The following BTD variants were observed in gnomAD, a reference collection of about 807,000 sequenced individuals.
BTD encodes biotinidase.
BTD carries 13 observed loss-of-function variants against 17.7 expected under a neutral mutation model. That is an observed-to-expected ratio of 0.74 (90% CI 0.48 to 1.17). BTD has a LOEUF of 1.17. Ranked by LOEUF, BTD falls within the 50% of genes most tolerant of loss-of-function variation. The probability of loss-of-function intolerance (pLI) is 0.00; values close to 1 mark genes in which losing one functional copy is unlikely to be tolerated. For synonymous variants in BTD, 240 were observed against 245.2 expected (o/e 0.98, Z 0.20); for missense variants, 674 against 650.4 (o/e 1.04, Z -0.39).
intron 3 of BTD, chr3:15,675,921 C>G (rs1369531607): frequency 1.2e-6 from 2 of 1,612,930 alleles, no homozygotes; most frequent in Non-Finnish European, 1.7e-6. Context: ...TGCAAGCACA[C>G]TTGCTCCTTT....
chr3:15,603,341 C>G lies in BTD; in HGVS notation c.-17+1447C>G, dbSNP rs1440310939. Among the ~76,000 whole-genome samples the G allele has an allele frequency of 2.0e-5, 3 of 152,142 alleles. No homozygotes were observed. In the East Asian group the frequency reaches 5.8e-4, roughly 29 times the overall value. The stretch of plus-strand genomic sequence containing the variant: ...CATCTGAGACAAGGCAAGTCCCTTC[C>G]GCCTATGAGCCTGTAAAATCAAAAG... On this transcript the variant is annotated intron_variant, in intron 1 of 3. Coordinates refer to ENST00000643237, the MANE Select transcript of BTD (RefSeq NM_001370658.1).
At chr3:15,615,030 C>T (rs1355846094) in intron 1 of BTD, among the ~76,000 whole-genome samples, 1 of 152,158 alleles carries the variant, frequency 6.6e-6, no homozygotes, top group African/African-American at 2.4e-5. Context: ...TTGCTGTATT[C>T]TTTAACTTTC....
At chr3:15,636,566 A>G (rs138022038) in intron 2 of BTD, among the ~76,000 whole-genome samples, 2 of 152,280 alleles carry the variant, frequency 1.3e-5, no homozygotes, top group African/African-American at 4.8e-5. Flanking sequence ...TGCTTGAGGA[A>G]GCCCTGCTGT....
rs398123139 is a variant in BTD, at chr3:15,644,482, G to A, written c.566G>A (p.Arg189His). The A allele has an allele frequency of 2.6e-5, 42 of 1,613,930 alleles. No individual in the cohort carries two copies. In the African/African-American group the frequency reaches 3.6e-4, roughly 14 times the overall value. The change falls in exon 4 of 4, where the codon CGC (arginine) becomes CAC (histidine). Residue 189 changes from arginine to histidine, a missense_variant. By Grantham distance (29) the Arg-to-His change is conservative. Coordinates refer to ENST00000643237, the MANE Select transcript of BTD (RefSeq NM_001370658.1). ...AGCAATAATGGAACCCTTGTTGACC[G>A]CTACCGTAAACACAACCTCTACTTT... ...VFSNNGTLVDRYRKHNLYFEA... is the reference protein window; with the variant it reads ...VFSNNGTLVDHYRKHNLYFEA...
intron 1 of BTD, among the ~76,000 whole-genome samples, chr3:15,604,063 C>T (rs921874735): frequency 7.2e-5 from 11 of 152,214 alleles, no homozygotes; most frequent in Admixed American, 3.3e-4. Flanking sequence ...GTCTGGAGGA[C>T]GGTGGCCCTC....
chr3:15,635,676 T>C lies in BTD; in HGVS notation c.237T>C (p.Thr79=), dbSNP rs2065329084. The part of the protein sequence containing the change: ...NLDIYEQQVM[T]AAQKDVQIIV... ...ACATCTATGAACAGCAAGTGATGAC[T>C]GCAGCCCAAAAGGCAAGAATGCTCC... Residue 79 remains threonine (T), a synonymous_variant, in exon 2 of 4, where the codon ACT becomes ACC. Transcript: ENST00000643237. The surrounding 1 kb of genome is among the most constrained non-coding windows in gnomAD (Gnocchi z 4.1). 1.9e-6 allele frequency: 3 copies of C among 1,614,220 alleles called. No homozygotes were observed. The highest frequency in any genetic ancestry group is 2.5e-6 in the Non-Finnish European group (3 of 1,180,044).
chr3:15,604,526 T>G (rs1232703150), intron 1 of BTD, among the ~76,000 whole-genome samples: 1 of 152,208 alleles, frequency 6.6e-6, no homozygotes, highest in Non-Finnish European at 1.5e-5. Context: ...CCTGGAGACA[T>G]TTTCCCCATT....
intron 3 of BTD, among the ~76,000 whole-genome samples, chr3:15,691,685 A>G (rs2068824873): frequency 6.6e-6 from 1 of 152,234 alleles, no homozygotes. Context: ...AAGCTTGACT[A>G]TCTCAAAGAT....
At chr3:15,639,021 A>T (rs772996162) in intron 2 of BTD, among the ~76,000 whole-genome samples, 7 of 152,220 alleles carry the variant, frequency 4.6e-5, no homozygotes, top group Non-Finnish European at 1.0e-4. Context: ...CATAGGGGAA[A>T]AACGGAGTCT....
chr3:15,612,969 G>A (rs1396696309), intron 1 of BTD, among the ~76,000 whole-genome samples: 1 of 152,198 alleles, frequency 6.6e-6, no homozygotes, highest in Admixed American at 6.5e-5. Flanking sequence ...ATGGTGGCTT[G>A]CTTCTTCAAG....
chr3:15,713,679 T>C (rs772749967), downstream of BTD: 11 of 1,388,314 alleles, frequency 7.9e-6, no homozygotes, highest in South Asian at 1.0e-4. Flanking sequence ...CTGGACCATA[T>C]AAAGATCAGG....
At chr3:15,690,116 A>C (rs765318359) in intron 3 of BTD, 1 of 1,611,794 alleles carries the variant, frequency 6.2e-7, no homozygotes, top group Non-Finnish European at 8.5e-7. Context: ...CATGGCCCTT[A>C]AAAGCTGCAA....
upstream of BTD, chr3:15,601,555 T>C (rs752437876): frequency 4.4e-6 from 7 of 1,603,602 alleles, no homozygotes; most frequent in African/African-American, 8.0e-5. Context: ...ACGCCACCTC[T>C]GGTACTGCAC....
rs1052109474 is a variant in BTD, at chr3:15,650,056, C to T, written c.*4568C>T. ...TTTATCGTGACTCCACGGAGACCCA[C>T]CCTCTAAGACCAGAGCCAGTGTCCT... On this transcript the variant is annotated 3_prime_UTR_variant, in exon 4 of 4. Transcript: ENST00000643237. Among the ~76,000 whole-genome samples the T allele has an allele frequency of 6.6e-6, 1 of 152,234 alleles. No individual in the cohort carries two copies. Among genetic ancestry groups the T allele is most frequent in the African/African-American group, 2.4e-5 (1 of 41,462 alleles).
In BTD at chr3:15,635,282, G is replaced by C. The variant is rs763515589; in HGVS notation, c.-16-142G>C. 6 of 1,273,952 alleles carry C rather than the reference G, an allele frequency of 4.7e-6. No individual in the cohort carries two copies. Among genetic ancestry groups the C allele is most frequent in the Non-Finnish European group, 6.8e-6 (6 of 887,086 alleles). 78.9% of individuals were successfully genotyped at this position (1,273,952 alleles called of 1,614,324 possible). A position where few individuals can be genotyped will look rare whatever the true frequency, so the allele number is the denominator to read the frequency against. On this transcript the variant is annotated intron_variant, in intron 1 of 3. Transcript: ENST00000643237. The surrounding 1 kb of genome is among the most constrained non-coding windows in gnomAD (Gnocchi z 4.1). ...GAGAGAAACACATACTCTTTTATTA[G>C]GAACATGAAACAAACTCTTTGAGCC... is the stretch of plus-strand genomic sequence containing the variant.
At position 15,650,437 on chromosome 3, in the gene BTD, C is replaced by CAAA. The variant is rs3048217; in HGVS notation, c.*4959_*4961dup. Among the ~76,000 whole-genome samples, 2 of 150,028 alleles carry CAAA rather than the reference C, an allele frequency of 1.3e-5. No individual in the cohort carries two copies. The highest frequency in any genetic ancestry group is 2.0e-4 in the East Asian group (1 of 5,116). ...CTTCATCTTTTTCTTTTTGTTTGAG[C>CAAA]AAAAAAAAAAAAGAATATATTAACT... is the stretch of plus-strand genomic sequence containing the variant. On this transcript the variant is annotated 3_prime_UTR_variant, in exon 4 of 4. Transcript: ENST00000643237.
chr3:15,629,672 G>T (rs1404016712), intron 1 of BTD, among the ~76,000 whole-genome samples: 2 of 152,084 alleles, frequency 1.3e-5, no homozygotes, highest in African/African-American at 2.4e-5. Context: ...TTACAGACAC[G>T]TGCCACCATG....
At chr3:15,674,206 A>G (rs1411826773) in intron 3 of BTD, among the ~76,000 whole-genome samples, 2 of 149,288 alleles carry the variant, frequency 1.3e-5, no homozygotes, top group South Asian at 2.2e-4. Context: ...AAAGAAGAAG[A>G]ACCGAAATTC....
At chr3:15,643,630 T>C (rs7640807) in intron 3 of BTD, among the ~76,000 whole-genome samples, 75,221 of 152,154 alleles carry the variant, frequency 0.49, 21,281 homozygotes, top group African/African-American at 0.76. Flanking sequence ...TTGAGATGTT[T>C]GTGGGTCACT....
Sources: gnomAD v4.1 joint callset for allele counts (sites outside exome capture counted in the v4.1 genomes callset) on GRCh38, gnomAD v4.1.1 for gene constraint, Gnocchi (gnomAD v3.1) non-coding constraint, MANE v1.5 for transcripts, NCBI Gene and HGNC (gene_info 2026-07-23, HGNC 2026-07-21) for gene names.